LEPR: variants seen among roughly 807,000 people sequenced by gnomAD.
LEPR encodes the protein leptin receptor.
A neutral mutation model predicts 114.7 loss-of-function variants in LEPR; 56 were observed. That is an observed-to-expected ratio of 0.49 (90% CI 0.39 to 0.61). The LOEUF is 0.61. LEPR is among the 20% of genes least tolerant of loss of function. The probability of loss-of-function intolerance (pLI) is 0.00; values close to 1 mark genes in which losing one functional copy is unlikely to be tolerated. For synonymous variants in LEPR, 443 were observed against 461.4 expected (o/e 0.96, Z 0.51); for missense variants, 1,202 against 1,352.9 (o/e 0.89, Z 1.75).
At chr1:65,592,371 T>C (rs559108081) in intron 5 of LEPR, among the ~76,000 whole-genome samples, 2 of 151,936 alleles carry the variant, frequency 1.3e-5, no homozygotes, top group South Asian at 4.1e-4. Context: ...TTCATCATTA[T>C]TTTGAAAGCT....
chr1:65,591,025 A>G lies in LEPR; in HGVS notation c.495-1632A>G, dbSNP rs1268633705. Reference sequence around the variant, plus strand: ...GAATTATTGCTGTAAGCAATATCCTACCTTAAAGAATATGTTGTATTTTAA... The same window carrying G: ...GAATTATTGCTGTAAGCAATATCCTGCCTTAAAGAATATGTTGTATTTTAA... On this transcript the variant is annotated intron_variant, in intron 5 of 19. Coordinates refer to ENST00000349533, the MANE Select transcript of LEPR (RefSeq NM_002303.6). Among the ~76,000 whole-genome samples the G allele has an allele frequency of 5.9e-5, 9 of 152,008 alleles. No individual in the cohort carries two copies. The East Asian group carries it at 1.5e-3, about 26-fold the overall frequency.
intron 2 of LEPR, among the ~76,000 whole-genome samples, chr1:65,502,322 C>T (rs1489945205): frequency 6.6e-6 from 1 of 152,050 alleles, no homozygotes; most frequent in East Asian, 1.9e-4. Flanking sequence ...CATCTGTAAA[C>T]CAAGGAGAGA....
intron 2 of LEPR, among the ~76,000 whole-genome samples, chr1:65,565,243 C>CTT (rs1653650643): frequency 2.0e-5 from 3 of 152,148 alleles, no homozygotes. Flanking sequence ...ATTGTGAGCA[C>CTT]TTGCATTTAG....
intron 2 of LEPR, chr1:65,525,786 C>CT (rs1394517256): frequency 1.8e-5 from 18 of 986,096 alleles, no homozygotes; most frequent in Non-Finnish European, 2.2e-5. Context: ...GCCGCCATCT[C>CT]TGCCTTCGGT....
intron 4 of LEPR, among the ~76,000 whole-genome samples, 171 bp from the exon 5 acceptor site, chr1:65,572,155 C>A (rs775764458): frequency 1.5e-4 from 23 of 151,626 alleles, no homozygotes; most frequent in African/African-American, 4.8e-4. Flanking sequence ...GATGGGCAAA[C>A]GCATGCCACT....
intron 2 of LEPR, among the ~76,000 whole-genome samples, chr1:65,559,983 G>A (rs1353761435): frequency 1.4e-5 from 2 of 147,064 alleles, no homozygotes; most frequent in East Asian, 3.9e-4. Flanking sequence ...GTCAGGTAGT[G>A]TAATGCCTCC....
intron 18 of LEPR, among the ~76,000 whole-genome samples, chr1:65,622,630 A>G (rs1470591358): frequency 6.6e-6 from 1 of 152,170 alleles, no homozygotes; most frequent in African/African-American, 2.4e-5. Context: ...TAATATTTCA[A>G]TTTCTTTGAG....
intron 2 of LEPR, chr1:65,434,611 A>G: frequency 1.0e-6 from 1 of 985,448 alleles, no homozygotes; most frequent in Non-Finnish European, 1.2e-6. Context: ...TCTCTGAGAC[A>G]GGGTAGTGTG....
chr1:65,568,496 G>T (rs967202581), intron 3 of LEPR, among the ~76,000 whole-genome samples: 6 of 96,254 alleles, frequency 6.2e-5, no homozygotes, highest in Non-Finnish European at 1.2e-4. Flanking sequence ...ATTCCATGGT[G>T]TGTGAGTGTG....
At chr1:65,629,830 A>C (rs1658427131) in intron 19 of LEPR, among the ~76,000 whole-genome samples, 1 of 151,824 alleles carries the variant, frequency 6.6e-6, no homozygotes, top group Admixed American at 6.6e-5. Flanking sequence ...GAACTCCTCT[A>C]TCCTCCTACT....
At chr1:65,514,131 T>C (rs555815877) in intron 2 of LEPR, among the ~76,000 whole-genome samples, 4 of 152,374 alleles carry the variant, frequency 2.6e-5, no homozygotes, top group Admixed American at 2.6e-4. Context: ...AACAATCCAA[T>C]TGACTTGCCT....
At chr1:65,420,863 C>T in intron 1 of LEPR, 123 bp downstream of exon 1, 2 of 1,235,202 alleles carry the variant, frequency 1.6e-6, no homozygotes, top group Non-Finnish European at 2.3e-6. Flanking sequence ...CCCGCCTCTC[C>T]GGTTCGGGAG....
At chr1:65,476,918 G>A (rs1647166077) in intron 2 of LEPR, among the ~76,000 whole-genome samples, 1 of 152,144 alleles carries the variant, frequency 6.6e-6, no homozygotes, top group Admixed American at 6.5e-5. Flanking sequence ...AGAATTGCTT[G>A]GTGGGGTCTT....
intron 2 of LEPR, among the ~76,000 whole-genome samples, chr1:65,440,496 C>T (rs1057199556): frequency 3.3e-5 from 5 of 151,832 alleles, no homozygotes; most frequent in African/African-American, 1.2e-4. Flanking sequence ...TGGGCGTGAA[C>T]GGGTGACGGT....
intron 3 of LEPR, among the ~76,000 whole-genome samples, chr1:65,566,285 C>A (rs1238348112): frequency 6.6e-6 from 1 of 150,956 alleles, no homozygotes; most frequent in Non-Finnish European, 1.5e-5. Flanking sequence ...CCACTGCAAC[C>A]TCTGCCTCCT....
At chr1:65,453,123 A>G (rs1249982459) in intron 2 of LEPR, among the ~76,000 whole-genome samples, 1 of 152,050 alleles carries the variant, frequency 6.6e-6, no homozygotes, top group East Asian at 1.9e-4. Context: ...ATTGGTGGTG[A>G]TATCCCCTTT....
chr1:65,518,863 CTTTCTTTCTTTT>C (rs1445447700), intron 2 of LEPR, among the ~76,000 whole-genome samples: 1 of 137,548 alleles, frequency 7.3e-6, no homozygotes, highest in African/African-American at 2.7e-5. Context: ...TCTTTTCTTT[CTTTCTTTCTTTT>C]TCTTTCTTTC....
intron 2 of LEPR, among the ~76,000 whole-genome samples, chr1:65,506,000 G>A (rs1648707766): frequency 6.6e-6 from 1 of 152,164 alleles, no homozygotes; most frequent in South Asian, 2.1e-4. Flanking sequence ...TGATAATAGC[G>A]AACATTATTT....
At chr1:65,463,750 G>C (rs930175631) in intron 2 of LEPR, among the ~76,000 whole-genome samples, 16 of 152,132 alleles carry the variant, frequency 1.1e-4, no homozygotes, top group Non-Finnish European at 1.9e-4. Flanking sequence ...TCCCTTGTAA[G>C]TTGGATTCCT....
Sources: allele counts gnomAD v4.1 joint callset (sites outside exome capture counted in the v4.1 genomes callset), GRCh38; gene constraint gnomAD v4.1.1; transcripts MANE v1.5; gene names NCBI Gene and HGNC (gene_info 2026-07-23, HGNC 2026-07-21).